CNOT10: variants seen among roughly 807,000 people sequenced by gnomAD.
The protein encoded by CNOT10 is CCR4-NOT transcription complex, subunit 10.
A neutral mutation model predicts 94.6 loss-of-function variants in CNOT10; 30 were observed. That is an observed-to-expected ratio of 0.32 (90% CI 0.24 to 0.43). The LOEUF (loss-of-function observed/expected upper bound fraction) is 0.43, where lower values mean the gene tolerates loss of function less well. Among genes scored for constraint, CNOT10 ranks in the 20% least tolerant of loss-of-function variants. CNOT10 has a pLI of 1.00. For missense variants in CNOT10, 759 were observed against 877.2 expected, an observed-to-expected ratio of 0.87 and a Z score of 1.70; for synonymous variants, 289 against 301.6, an observed-to-expected ratio of 0.96 and a Z score of 0.43.
chr3:32,735,677 A>T, intron 12 of CNOT10, among the ~76,000 whole-genome samples: 1 of 152,310 alleles, frequency 6.6e-6, no homozygotes, highest in Admixed American at 6.5e-5. Flanking sequence ...ACTGCACTCC[A>T]TCCAGCCTGG....
intron 18 of CNOT10, among the ~76,000 whole-genome samples, chr3:32,770,248 T>A (rs555233889): frequency 1.1e-4 from 16 of 150,660 alleles, no homozygotes; most frequent in African/African-American, 3.7e-4. Flanking sequence ...GCTCAAGCAG[T>A]CCTCCCATCT....
chr3:32,755,166 C>T (rs1700168702), intron 13 of CNOT10, among the ~76,000 whole-genome samples: 1 of 151,042 alleles, frequency 6.6e-6, no homozygotes, highest in African/African-American at 2.4e-5. Flanking sequence ...GAATCACTTG[C>T]AACCGGGAAG....
At chr3:32,713,783 T>C (rs926779323) in intron 5 of CNOT10, among the ~76,000 whole-genome samples, 5 of 152,218 alleles carry the variant, frequency 3.3e-5, no homozygotes, top group Non-Finnish European at 1.5e-5. Flanking sequence ...TTTTACTTAG[T>C]GTAATGCTTT....
chr3:32,690,253 G>C (rs530780625), intron 1 of CNOT10, among the ~76,000 whole-genome samples: 13 of 152,284 alleles, frequency 8.5e-5, no homozygotes, highest in Non-Finnish European at 1.5e-4. Flanking sequence ...GGGAAATTGG[G>C]CAAATTTCAA....
chr3:32,712,163 G>GTTTTTTTTTTT (rs112756771), intron 4 of CNOT10, among the ~76,000 whole-genome samples: 1 of 141,072 alleles, frequency 7.1e-6, no homozygotes. Context: ...GTGTTTGTTT[G>GTTTTTTTTTTT]TTTTTTTTTT....
chr3:32,716,017 A>G (rs1472010213), intron 5 of CNOT10: 2 of 400,300 alleles, frequency 5.0e-6, no homozygotes, highest in East Asian at 7.9e-5. Context: ...ATGTTACTCA[A>G]GCTGGTCTCG....
chr3:32,753,162 G>A, intron 13 of CNOT10: 1 of 623,768 alleles, frequency 1.6e-6, no homozygotes, highest in East Asian at 3.4e-5. Context: ...TTGAGAAAAG[G>A]AACATGTGAA....
At chr3:32,733,320 G>A (rs1699039380) in intron 10 of CNOT10, 103 bp from the exon 11 acceptor site, 2 of 920,928 alleles carry the variant, frequency 2.2e-6, no homozygotes, top group African/African-American at 3.4e-5. Context: ...TTGACTTTAA[G>A]AACTTTCTTA....
intron 1 of CNOT10, among the ~76,000 whole-genome samples, chr3:32,701,141 G>A (rs1191531752): frequency 1.3e-5 from 2 of 152,068 alleles, no homozygotes; most frequent in Non-Finnish European, 2.9e-5. Context: ...CAGGTGTGGC[G>A]GCAGGTGCCT....
intron 13 of CNOT10, among the ~76,000 whole-genome samples, chr3:32,755,442 C>T (rs1261409639): frequency 6.6e-6 from 1 of 151,378 alleles, no homozygotes; most frequent in African/African-American, 2.4e-5. Flanking sequence ...CCTCAGCCTC[C>T]CAAGTAGCTT....
intron 1 of CNOT10, among the ~76,000 whole-genome samples, chr3:32,698,861 C>G (rs1481872520): frequency 6.6e-6 from 1 of 152,232 alleles, no homozygotes; most frequent in African/African-American, 2.4e-5. Context: ...TCTCAGCTCA[C>G]TGCACACTCC....
intron 8 of CNOT10, among the ~76,000 whole-genome samples, chr3:32,723,588 A>G (rs1698519791): frequency 6.6e-6 from 1 of 152,196 alleles, no homozygotes; most frequent in Non-Finnish European, 1.5e-5. Context: ...AGAATTTAGA[A>G]AACATGGCTA....
chr3:32,715,209 G>A (rs1462943578), intron 5 of CNOT10, among the ~76,000 whole-genome samples: 1 of 152,108 alleles, frequency 6.6e-6, no homozygotes, highest in Non-Finnish European at 1.5e-5. Context: ...AGATAAATTG[G>A]GCAACATCTG....
At chr3:32,770,641 T>C (rs890630242) in intron 18 of CNOT10, among the ~76,000 whole-genome samples, 2 of 151,776 alleles carry the variant, frequency 1.3e-5, no homozygotes, top group Non-Finnish European at 2.9e-5. Flanking sequence ...AGATTTTTAA[T>C]GTCTGTTTTT....
chr3:32,715,734 T>C (rs1424816193), intron 5 of CNOT10, among the ~76,000 whole-genome samples: 1 of 152,214 alleles, frequency 6.6e-6, no homozygotes, highest in Non-Finnish European at 1.5e-5. Flanking sequence ...GACTGTGAGC[T>C]TCTCATGAGT....
intron 13 of CNOT10, chr3:32,753,182 A>G (rs981708106): frequency 1.0e-4 from 67 of 656,766 alleles, no homozygotes; most frequent in South Asian, 9.3e-4. Context: ...ATACTATGAA[A>G]AAAACTATGC....
At chr3:32,754,009 A>G in intron 13 of CNOT10, 1 of 554,026 alleles carries the variant, frequency 1.8e-6, no homozygotes, top group Non-Finnish European at 3.0e-6. Flanking sequence ...CCAAGGCAGG[A>G]GAATTGCTTG....
intron 13 of CNOT10, among the ~76,000 whole-genome samples, chr3:32,747,152 A>G (rs1699736595): frequency 6.6e-6 from 1 of 151,870 alleles, no homozygotes; most frequent in Non-Finnish European, 1.5e-5. Flanking sequence ...CAGGTGGCTC[A>G]CACCTGTAAT....
chr3:32,692,627 T>C (rs893976460), intron 1 of CNOT10, among the ~76,000 whole-genome samples: 1 of 152,218 alleles, frequency 6.6e-6, no homozygotes, highest in African/African-American at 2.4e-5. Flanking sequence ...GTAATTGGCA[T>C]TTCGTAAATA....
Sources: allele counts gnomAD v4.1 joint callset (sites outside exome capture counted in the v4.1 genomes callset), GRCh38; gene constraint gnomAD v4.1.1; transcripts MANE v1.5; gene names NCBI Gene and HGNC (gene_info 2026-07-23, HGNC 2026-07-21).